KCNG4: variants seen among roughly 807,000 people sequenced by gnomAD.
KCNG4 encodes voltage-gated potassium channel regulatory subunit KCNG4.
In KCNG4, 30 loss-of-function variants were observed where a neutral mutation model predicts 28.2. The observed-to-expected ratio is 1.06, with a 90% CI of 0.80 to 1.44. KCNG4 has a LOEUF of 1.44. KCNG4 is among the 40% of genes most tolerant of loss of function. KCNG4 has a pLI of 0.00. For missense variants in KCNG4, 879 were observed against 712.3 expected, an observed-to-expected ratio of 1.23 and a Z score of -2.66; for synonymous variants, 375 against 315.5, an observed-to-expected ratio of 1.19 and a Z score of -2.00.
intron 1 of KCNG4, 25 bp from the exon 2 acceptor site, chr16:84,237,550 A>G: frequency 7.1e-7 from 1 of 1,411,160 alleles, no homozygotes; most frequent in African/African-American, 1.4e-5. Flanking sequence ...ACAAAGAGCA[A>G]GCAAAAGGAA....
chr16:84,236,664 C>T, intron 2 of KCNG4, 66 bp downstream of exon 2: 1 of 1,498,124 alleles, frequency 6.7e-7, no homozygotes, highest in Non-Finnish European at 8.9e-7. Flanking sequence ...TCTTGGGCCC[C>T]TAAAAGACAT....
At chr16:84,225,824 C>G (rs9938604) in intron 2 of KCNG4, among the ~76,000 whole-genome samples, 20,177 of 152,244 alleles carry the variant, frequency 0.13, 1,421 homozygotes, top group South Asian at 0.18. Context: ...GGGCTCTGCT[C>G]TGCCGCGTCA....
chr16:84,227,253 C>G (rs1036707269), intron 2 of KCNG4, among the ~76,000 whole-genome samples: 3 of 152,176 alleles, frequency 2.0e-5, no homozygotes, highest in Non-Finnish European at 4.4e-5. Flanking sequence ...GTGTATAGCT[C>G]AGACAAATGA....
intron 2 of KCNG4, among the ~76,000 whole-genome samples, chr16:84,230,052 A>G (rs1904789876): frequency 6.6e-6 from 1 of 151,982 alleles, no homozygotes; most frequent in Admixed American, 6.6e-5. Context: ...ATGGCACCCC[A>G]AAAGGTGAGC....
chr16:84,234,883 C>A (rs1029064806), intron 2 of KCNG4, among the ~76,000 whole-genome samples: 1 of 152,186 alleles, frequency 6.6e-6, no homozygotes, highest in African/African-American at 2.4e-5. Flanking sequence ...ACTGCCCCGT[C>A]CTCAGCCTCC....
chr16:84,230,890 C>T (rs1904812695), intron 2 of KCNG4, among the ~76,000 whole-genome samples: 2 of 152,204 alleles, frequency 1.3e-5, no homozygotes, highest in African/African-American at 4.8e-5. Flanking sequence ...GGCGAGTTCG[C>T]CTGCTTCTCC....
In KCNG4 at chr16:84,219,990, G is replaced by A. The variant is rs1296842301; in HGVS notation, c.*2227C>T. ...AGGCAGGAGAATTGCTTGAACCCAG[G>A]AGGCGGAGGTTGCAGTGAGCTGGGA... On this transcript the variant is annotated 3_prime_UTR_variant, in exon 3 of 3. Coordinates refer to ENST00000308251, the MANE Select transcript of KCNG4 (RefSeq NM_172347.3). The A allele has an allele frequency of 6.6e-6, 1 of 152,038 alleles. No individual in the cohort carries two copies. Among genetic ancestry groups the A allele is most frequent in the Non-Finnish European group, 1.5e-5 (1 of 68,044 alleles). The allele number at this position is 152,038 out of a possible 1,614,324, so 9.4% of individuals were successfully genotyped here. A position where few individuals can be genotyped will look rare whatever the true frequency, so the allele number is the denominator to read the frequency against.
In KCNG4 at chr16:84,236,725, C is replaced by T. The variant is rs763488919; in HGVS notation, c.756+5G>A. ...GAGCCGTGAATGCCATCAGAGGCCG[C>T]TCACCTGGTCCTCCTCTGCCCTGAG... On this transcript the variant is annotated splice_donor_5th_base_variant and intron_variant, in intron 2 of 2. Transcript: ENST00000308251. 14 of 1,603,218 alleles carry T rather than the reference C, an allele frequency of 8.7e-6. No individual in the cohort carries two copies. Among genetic ancestry groups the T allele is most frequent in the Non-Finnish European group, 1.1e-5 (13 of 1,173,008 alleles).
rs759286005 is a variant in KCNG4 at position 84,222,537 on chromosome 16, T to C, written c.1240A>G (p.Ile414Val). ...CCGTAGCCCACCGTTGTCATGGAGATGATGGCCCACCAATAGGAGGCGGGG... is the reference window on the plus strand; with the variant it reads ...CCGTAGCCCACCGTTGTCATGGAGACGATGGCCCACCAATAGGAGGCGGGG... Reference protein sequence around the residue: ...SIPASYWWAIISMTTVGYGDM... With the variant: ...SIPASYWWAIVSMTTVGYGDM... The change falls in exon 3 of 3, where the codon ATC becomes GTC. Residue 414 changes from isoleucine to valine, a missense_variant. By Grantham distance (29) the Ile-to-Val change is conservative (BLOSUM62 3). Coordinates refer to ENST00000308251, the MANE Select transcript of KCNG4 (RefSeq NM_172347.3). 4.7e-5 allele frequency: 76 copies of C among 1,613,480 alleles called. No homozygotes were observed. The highest frequency in any genetic ancestry group is 3.3e-4 in the Admixed American group (20 of 60,004).
rs1345230466 is a variant in KCNG4 at position 84,220,418 on chromosome 16, G to T, written c.*1799C>A. The T allele has an allele frequency of 6.6e-6, 1 of 152,322 alleles. No individual in the cohort carries two copies. The highest frequency in any genetic ancestry group is 2.4e-5 in the African/African-American group (1 of 41,470). The allele number at this position is 152,322 out of a possible 1,614,324, so 9.4% of individuals were successfully genotyped here. On this transcript the variant is annotated 3_prime_UTR_variant, in exon 3 of 3. Coordinates refer to ENST00000308251, the MANE Select transcript of KCNG4 (RefSeq NM_172347.3). ...GGCTCCCTGGACGCTAGGTGCTGGTGCAGGGTGCTTCCTGGGCCAGAGCCC... is the reference window on the plus strand; with the variant it reads ...GGCTCCCTGGACGCTAGGTGCTGGTTCAGGGTGCTTCCTGGGCCAGAGCCC...
In KCNG4 at chr16:84,237,500, A is replaced by T. The variant is rs1905003589; in HGVS notation, c.-15T>A. The T allele has an allele frequency of 6.8e-7, 1 of 1,479,816 alleles. No individual in the cohort carries two copies. The allele number at this position is 1,479,816 out of a possible 1,614,324, so 91.7% of individuals were successfully genotyped here. A position where few individuals can be genotyped will look rare whatever the true frequency, so the allele number is the denominator to read the frequency against. On this transcript the variant is annotated 5_prime_UTR_variant, in exon 2 of 3. Coordinates refer to ENST00000308251, the MANE Select transcript of KCNG4 (RefSeq NM_172347.3). ...GGCATGGGCATTGCTGAAGACCACC[A>T]GGTAGGAAGCGCTGGGTTTACCAGT...
At chr16:84,229,897 T>C (rs1024917789) in intron 2 of KCNG4, among the ~76,000 whole-genome samples, 1 of 152,290 alleles carries the variant, frequency 6.6e-6, no homozygotes, top group East Asian at 1.9e-4. Flanking sequence ...AATTACCAAA[T>C]GCCACCAAGC....
At chr16:84,231,405 C>G (rs181926297) in intron 2 of KCNG4, among the ~76,000 whole-genome samples, 1 of 152,194 alleles carries the variant, frequency 6.6e-6, no homozygotes, top group Non-Finnish European at 1.5e-5. Context: ...CAGTCCACTG[C>G]AGGTGGCCAG....
chr16:84,229,552 T>A (rs116591081), intron 2 of KCNG4, among the ~76,000 whole-genome samples: 1 of 152,256 alleles, frequency 6.6e-6, no homozygotes, highest in African/African-American at 2.4e-5. Flanking sequence ...CCATCGCCTC[T>A]GTGCTGGTGT....
At position 84,220,869 on chromosome 16, in the gene KCNG4, C is replaced by G. The variant is rs565085570; in HGVS notation, c.*1348G>C. The G allele has an allele frequency of 1.3e-5, 2 of 152,454 alleles. No homozygotes were observed. Among genetic ancestry groups the G allele is most frequent in the East Asian group, 3.9e-4 (2 of 5,164 alleles). 9.4% of individuals were successfully genotyped at this position (152,454 alleles called of 1,614,324 possible). On this transcript the variant is annotated 3_prime_UTR_variant, in exon 3 of 3. Coordinates refer to ENST00000308251, the MANE Select transcript of KCNG4 (RefSeq NM_172347.3). The stretch of plus-strand genomic sequence containing the variant: ...CTCATGCCCAATCCAGCCTCATCAT[C>G]TCCCTAACCCACAGCCTGTGCACAT...
In KCNG4 at chr16:84,237,018, G is replaced by A; in HGVS notation, c.468C>T (p.His156=). 5 of 1,613,872 alleles carry A rather than the reference G, an allele frequency of 3.1e-6. No homozygotes were observed. The highest frequency in any genetic ancestry group is 1.7e-5 in the Admixed American group (1 of 60,014). ...ELAYWGIEEA[H]LERCCLRKLL... is the part of the protein sequence containing the mutation. Reference sequence around the variant, plus strand: ...GCTTCCGCAGGCAGCACCTCTCCAGGTGGGCCTCCTCGATGCCCCAGTAGG... The same window carrying A: ...GCTTCCGCAGGCAGCACCTCTCCAGATGGGCCTCCTCGATGCCCCAGTAGG... The change falls in exon 2 of 3, where the codon CAC becomes CAT. Residue 156 remains histidine (H), a synonymous_variant. Coordinates refer to ENST00000308251, the MANE Select transcript of KCNG4 (RefSeq NM_172347.3).
At position 84,222,457 on chromosome 16, in the gene KCNG4, C is replaced by G; in HGVS notation, c.1320G>C (p.Leu440=). ...GGAAGGCCATGATGAGGATCCCGCT[C>G]AGGATGCTGCTGAGGGCCACCATCT... ...PGQMVALSSI[L]SGILIMAFPA... Residue 440 remains leucine (L), a synonymous_variant, in exon 3 of 3, where the codon CTG becomes CTC. Transcript: ENST00000308251. 1 of 1,614,024 alleles carries G rather than the reference C, an allele frequency of 6.2e-7. No individual in the cohort carries two copies. The highest frequency in any genetic ancestry group is 1.1e-5 in the South Asian group (1 of 91,072).
chr16:84,237,595 T>G, intron 1 of KCNG4, 70 bp from the exon 2 acceptor site: 4 of 1,070,090 alleles, frequency 3.7e-6, no homozygotes, highest in Non-Finnish European at 5.1e-6. Context: ...GTCCTGGATG[T>G]CACGACTGCA....
rs1454904901 is a variant in KCNG4, at chr16:84,221,255, CTG to C, written c.*960_*961del. Reference sequence around the variant, plus strand: ...ACAGCACCTACAATTCCCCTTGTTTCTGTGCCAAAGCTACATTGAGTCCATGG... The same window carrying C: ...ACAGCACCTACAATTCCCCTTGTTTCTGCCAAAGCTACATTGAGTCCATGG... On this transcript the variant is annotated 3_prime_UTR_variant, in exon 3 of 3. Transcript: ENST00000308251. 1 of 152,238 alleles carries C rather than the reference CTG, an allele frequency of 6.6e-6. No individual in the cohort carries two copies. 9.4% of individuals were successfully genotyped at this position (152,238 alleles called of 1,614,324 possible).
Sources: gnomAD v4.1 joint callset for allele counts (sites outside exome capture counted in the v4.1 genomes callset) on GRCh38, gnomAD v4.1.1 for gene constraint, MANE v1.5 for transcripts, NCBI Gene and HGNC (gene_info 2026-07-23, HGNC 2026-07-21) for gene names.